SLC6A9: variants seen among roughly 807,000 people sequenced by gnomAD.
SLC6A9 encodes solute carrier family 6 member 9.
SLC6A9 carries 31 observed loss-of-function variants against 70.9 expected under a neutral mutation model. That is an observed-to-expected ratio of 0.44 (90% CI 0.33 to 0.59). SLC6A9 has a LOEUF of 0.59. Among genes scored for constraint, SLC6A9 ranks in the 20% least tolerant of loss-of-function variants. The pLI, the probability that SLC6A9 is intolerant of heterozygous loss-of-function variation, is 0.04. For synonymous variants in SLC6A9, 310 were observed against 341.3 expected (o/e 0.91, Z 1.01); for missense variants, 631 against 845.2 (o/e 0.75, Z 3.14).
intron 1 of SLC6A9, among the ~76,000 whole-genome samples, chr1:44,025,487 G>A (rs1350483020): frequency 2.8e-5 from 4 of 142,906 alleles, no homozygotes; most frequent in East Asian, 2.0e-4. Flanking sequence ...GCAAGGTTCC[G>A]TCTCAAAAAA....
chr1:44,012,451 G>T (rs2086604339), intron 2 of SLC6A9, among the ~76,000 whole-genome samples: 1 of 152,246 alleles, frequency 6.6e-6, no homozygotes, highest in Admixed American at 6.5e-5. Flanking sequence ...GGGGTGCAGT[G>T]CCAGGGACCA....
chr1:44,022,124 T>C (rs2086894682), intron 2 of SLC6A9, among the ~76,000 whole-genome samples: 1 of 152,142 alleles, frequency 6.6e-6, no homozygotes, highest in African/African-American at 2.4e-5. Flanking sequence ...AGCATTCCCA[T>C]CCATAGACAG....
At chr1:44,016,975 C>T in intron 2 of SLC6A9, 1 of 1,470,272 alleles carries the variant, frequency 6.8e-7, no homozygotes, top group Non-Finnish European at 9.1e-7. Context: ...AGCCCCTCTC[C>T]CCATCCGCAG....
chr1:44,003,089 T>C (rs939175252), intron 5 of SLC6A9, 104 bp from the exon 6 acceptor site: 1 of 1,352,970 alleles, frequency 7.4e-7, no homozygotes, highest in African/African-American at 1.4e-5. Context: ...TGTCATGAGG[T>C]CCCAGCAGCC....
chr1:44,019,579 G>T (rs2086842643), intron 2 of SLC6A9, among the ~76,000 whole-genome samples: 1 of 152,268 alleles, frequency 6.6e-6, no homozygotes, highest in African/African-American at 2.4e-5. Context: ...CTGGGCTCTG[G>T]CTGCCCTGGC....
chr1:43,997,580 T>G lies in SLC6A9; in HGVS notation c.1867A>C (p.Asn623His). The stretch of plus-strand genomic sequence containing the variant: ...GAGTCCTGGAGGCGGCTGGAGCCAT[T>G]ACTGCCCACAATGGGGATCTGCGCC... ...DKAQIPIVGSNGSSRLQDSRI is the reference protein window; with the variant it reads ...DKAQIPIVGSHGSSRLQDSRI The change falls in exon 14 of 14, where the codon AAT (asparagine) becomes CAT (histidine). Residue 623 changes from asparagine to histidine, a missense_variant. Physicochemically the swap from Asn to His is moderately conservative, Grantham distance 68 (BLOSUM62 1). Transcript: ENST00000372310. The surrounding 1 kb of genome is among the most constrained non-coding windows in gnomAD (Gnocchi z 4.4). 6.2e-7 allele frequency: 1 copy of G among 1,613,750 alleles called. No homozygotes were observed. Among genetic ancestry groups the G allele is most frequent in the East Asian group, 2.2e-5 (1 of 44,854 alleles).
chr1:44,025,841 G>A (rs2086973407), intron 1 of SLC6A9, among the ~76,000 whole-genome samples: 2 of 151,814 alleles, frequency 1.3e-5, no homozygotes, highest in South Asian at 4.2e-4. Flanking sequence ...GGAAACCCCA[G>A]GAAGGATTCG....
chr1:44,027,562 T>C (rs1407164547), intron 1 of SLC6A9, among the ~76,000 whole-genome samples: 1 of 152,220 alleles, frequency 6.6e-6, no homozygotes, highest in Non-Finnish European at 1.5e-5. Context: ...TTCCACAATA[T>C]TGATTGCAGG....
intron 1 of SLC6A9, 128 bp from the exon 2 acceptor site, chr1:44,024,490 C>T (rs2154307546): frequency 3.4e-6 from 2 of 584,766 alleles, no homozygotes; most frequent in Non-Finnish European, 6.1e-6. Context: ...CCATATCCTG[C>T]TCCTTTCTGG....
chr1:44,002,632 C>G lies in SLC6A9; in HGVS notation c.738G>C (p.Thr246=). 1 of 1,614,108 alleles carries G rather than the reference C, an allele frequency of 6.2e-7. No individual in the cohort carries two copies. Among genetic ancestry groups the G allele is most frequent in the Non-Finnish European group, 8.5e-7 (1 of 1,179,984 alleles). ...TCAGCACCACGTAGGGGAACGTGGCCGTGAAGTACACCACCTGGCACAAGA... is the reference window on the plus strand; with the variant it reads ...TCAGCACCACGTAGGGGAACGTGGCGGTGAAGTACACCACCTGGCACAAGA... The part of the protein sequence containing the change: ...VKSSGKVVYF[T]ATFPYVVLTI... The change falls in exon 7 of 14, where the codon ACG becomes ACC. Residue 246 remains threonine, a synonymous_variant. Transcript: ENST00000372310. This position sits in a 1 kb window ranked among gnomAD's most constrained non-coding sequence, Gnocchi z 5.5.
intron 5 of SLC6A9, among the ~76,000 whole-genome samples, chr1:44,003,767 A>G (rs2086211210): frequency 6.6e-6 from 1 of 151,910 alleles, no homozygotes; most frequent in East Asian, 1.9e-4. Context: ...AAAAAAAAAA[A>G]AAAAAGATTG....
Position 43,997,533 on chromosome 1 carries a change from T to C in SLC6A9, c.*12A>G. On this transcript the variant is annotated 3_prime_UTR_variant, in exon 14 of 14. Coordinates refer to ENST00000372310, the MANE Select transcript of SLC6A9 (RefSeq NM_001024845.3). This position sits in a 1 kb window ranked among gnomAD's most constrained non-coding sequence, Gnocchi z 4.4. ...CGGGGTGGGGGTGGGGCCACTCCCC[T>C]GGCAGCTGTGCTCATATCCGGGAGT... 2 of 1,611,444 alleles carry C rather than the reference T, an allele frequency of 1.2e-6. No individual in the cohort carries two copies. The highest frequency in any genetic ancestry group is 8.5e-7 in the Non-Finnish European group (1 of 1,178,646).
Position 44,009,988 on chromosome 1 carries a change from C to T in SLC6A9, c.296G>A (p.Trp99Ter). ...ACCTTTGAACATGGGGCTGATCCTCCAGACCCCCAGGCACCCCTGGCTTGC... is the reference window on the plus strand; with the variant it reads ...ACCTTTGAACATGGGGCTGATCCTCTAGACCCCCAGGCACCCCTGGCTTGC... Reference protein sequence around the residue: ...QFASQGCLGVWRISPMFKGVG... With the variant: ...QFASQGCLGV The change falls in exon 4 of 14, where the codon TGG becomes TAG. Residue 99 changes from tryptophan (W) to a stop codon, truncating the protein, a stop_gained. Coordinates refer to ENST00000372310, the MANE Select transcript of SLC6A9 (RefSeq NM_001024845.3). LOFTEE classifies it high-confidence loss of function. 2 of 1,614,072 alleles carry T rather than the reference C, an allele frequency of 1.2e-6. No homozygotes were observed. The highest frequency in any genetic ancestry group is 1.1e-5 in the South Asian group (1 of 91,088).
At chr1:44,001,095 C>G (rs112772491) in intron 10 of SLC6A9, 40 bp from the exon 11 acceptor site, 2 of 1,606,396 alleles carry the variant, frequency 1.2e-6, no homozygotes, top group East Asian at 2.2e-5. Context: ...GCCTGCAGCC[C>G]GGGCTCCCCA....
In SLC6A9 at chr1:44,013,497, A is replaced by T. The variant is rs957297184; in HGVS notation, c.31-2615T>A. 2.2e-4 allele frequency among the ~76,000 whole-genome samples: 33 copies of T among 152,234 alleles called. No individual in the cohort carries two copies. The highest frequency in any genetic ancestry group is 6.8e-4 in the African/African-American group (28 of 41,458). On this transcript the variant is annotated intron_variant, in intron 2 of 13. Coordinates refer to ENST00000372310, the MANE Select transcript of SLC6A9 (RefSeq NM_001024845.3). This position sits in a 1 kb window ranked among gnomAD's most constrained non-coding sequence, Gnocchi z 5.3. ...GCCACAGCCCCCGCGACAGGGCTGA[A>T]CCGGGGTTGGCGACGGGGCTCTGGC...
intron 2 of SLC6A9, chr1:44,017,387 A>G: frequency 8.2e-7 from 1 of 1,225,684 alleles, no homozygotes; most frequent in South Asian, 1.8e-5. Flanking sequence ...ACACACACAC[A>G]CACACACACA....
At chr1:44,021,375 G>A (rs1290188183) in intron 2 of SLC6A9, among the ~76,000 whole-genome samples, 1 of 152,232 alleles carries the variant, frequency 6.6e-6, no homozygotes, top group Non-Finnish European at 1.5e-5. Flanking sequence ...GAGTGAGGGA[G>A]GGACACGTGC....
At chr1:44,000,935 G>A in intron 11 of SLC6A9, 21 bp downstream of exon 11, 1 of 1,602,334 alleles carries the variant, frequency 6.2e-7, no homozygotes, top group Non-Finnish European at 8.5e-7. Flanking sequence ...GTCGCGGGAG[G>A]CCGGAGGCTC....
chr1:44,000,742 G>C lies in SLC6A9; in HGVS notation c.1536+25C>G, dbSNP rs1164269570. The C allele has an allele frequency of 2.7e-6, 4 of 1,488,404 alleles. No homozygotes were observed. The South Asian group carries it at 4.8e-5, about 18-fold the overall frequency. The allele number at this position is 1,488,404 out of a possible 1,614,324, so 92.2% of individuals were successfully genotyped here. On this transcript the variant is annotated intron_variant, in intron 12 of 13. Transcript: ENST00000372310. Reference sequence around the variant, plus strand: ...ACATGGCCAAGGGGCAGCGGGGGAAGGGAGGGGCCGGCCAGGGAACTCACG... The same window carrying C: ...ACATGGCCAAGGGGCAGCGGGGGAACGGAGGGGCCGGCCAGGGAACTCACG...
Sources: gnomAD v4.1 joint callset for allele counts (sites outside exome capture counted in the v4.1 genomes callset) on GRCh38, gnomAD v4.1.1 for gene constraint, Gnocchi (gnomAD v3.1) non-coding constraint, MANE v1.5 for transcripts, NCBI Gene and HGNC (gene_info 2026-07-23, HGNC 2026-07-21) for gene names.